PTPRD: variants seen among roughly 807,000 people sequenced by gnomAD.
The protein encoded by PTPRD is protein tyrosine phosphatase receptor type D, also known as receptor-type tyrosine-protein phosphatase delta.
Under a neutral mutation model 214.5 loss-of-function variants are expected in PTPRD, and 34 were observed. The ratio of observed to expected loss-of-function variants is 0.16; its 90% confidence interval spans 0.12 to 0.21. PTPRD has a LOEUF of 0.21. Ranked by LOEUF, PTPRD falls within the 10% of genes least tolerant of loss-of-function variation. PTPRD has a pLI of 1.00. For synonymous variants in PTPRD, 1,128 were observed against 845.7 expected, an observed-to-expected ratio of 1.33 and a Z score of -5.79; for missense variants, 2,545 against 2,398.7, an observed-to-expected ratio of 1.06 and a Z score of -1.27.
At chr9:9,884,169 C>T (rs537502586) in intron 5 of PTPRD, among the ~76,000 whole-genome samples, 4 of 152,070 alleles carry the variant, frequency 2.6e-5, no homozygotes, top group African/African-American at 4.8e-5. Context: ...CCCTCTAAGC[C>T]TCCCCATCAT....
intron 12 of PTPRD, among the ~76,000 whole-genome samples, chr9:8,719,000 C>T (rs2098464894): frequency 6.6e-6 from 1 of 152,148 alleles, no homozygotes; most frequent in Admixed American, 6.5e-5. Flanking sequence ...TTCACCATGA[C>T]TTTTGTGCTT....
chr9:8,673,720 T>C (rs2097336786), intron 12 of PTPRD, among the ~76,000 whole-genome samples: 1 of 152,242 alleles, frequency 6.6e-6, no homozygotes, highest in Non-Finnish European at 1.5e-5. Flanking sequence ...CAGTATTTTT[T>C]AATTTAGCTG....
At chr9:10,266,094 C>T (rs1026048455) in intron 3 of PTPRD, among the ~76,000 whole-genome samples, 2 of 152,092 alleles carry the variant, frequency 1.3e-5, no homozygotes, top group Non-Finnish European at 2.9e-5. Flanking sequence ...GAGACCCACA[C>T]CATCACACAT....
chr9:8,753,800 A>G (rs974317069), intron 11 of PTPRD, among the ~76,000 whole-genome samples: 1 of 152,238 alleles, frequency 6.6e-6, no homozygotes, highest in Non-Finnish European at 1.5e-5. Flanking sequence ...TCAATAAATT[A>G]AAGAAGACTT....
intron 2 of PTPRD, among the ~76,000 whole-genome samples, chr9:10,609,382 C>T (rs979937996): frequency 6.6e-6 from 1 of 152,028 alleles, no homozygotes; most frequent in African/African-American, 2.4e-5. Context: ...ATTCTGTTCA[C>T]TCACCACCCT....
At chr9:9,863,196 T>G (rs1323796) in intron 5 of PTPRD, among the ~76,000 whole-genome samples, 150,856 of 152,244 alleles carry the variant, frequency 0.99, 74,755 homozygotes, top group Middle Eastern at 1. Flanking sequence ...GAGAGAGAAG[T>G]CCACTGCAAA....
intron 11 of PTPRD, among the ~76,000 whole-genome samples, chr9:8,806,845 T>C (rs1279147434): frequency 6.6e-6 from 1 of 152,228 alleles, no homozygotes; most frequent in Non-Finnish European, 1.5e-5. Flanking sequence ...ACTTGGCTAC[T>C]GTACTAAGAT....
chr9:8,750,737 G>A (rs1031929053), intron 11 of PTPRD, among the ~76,000 whole-genome samples: 2 of 152,140 alleles, frequency 1.3e-5, no homozygotes, highest in Admixed American at 1.3e-4. Flanking sequence ...TCCCAGCAGA[G>A]AATGATACCA....
intron 32 of PTPRD, among the ~76,000 whole-genome samples, chr9:8,461,663 A>G (rs1458162328): frequency 1.3e-5 from 2 of 149,580 alleles, no homozygotes; most frequent in Admixed American, 6.7e-5. Context: ...TTACCTTTCT[A>G]GACAATTTTT....
intron 3 of PTPRD, among the ~76,000 whole-genome samples, chr9:10,212,630 T>C (rs2099522559): frequency 6.6e-6 from 1 of 152,124 alleles, no homozygotes; most frequent in African/African-American, 2.4e-5. Context: ...TAAAAATAAG[T>C]ATTTGTCATC....
intron 11 of PTPRD, among the ~76,000 whole-genome samples, chr9:8,840,115 G>A (rs2097530113): frequency 6.6e-6 from 1 of 152,110 alleles, no homozygotes; most frequent in Non-Finnish European, 1.5e-5. Flanking sequence ...GTATAGAACG[G>A]TAACATCAGT....
Position 9,088,239 on chromosome 9 carries a change from G to A in PTPRD, c.-142-69504C>T, listed in dbSNP as rs189194526. On this transcript the variant is annotated intron_variant, in intron 10 of 45. Transcript: ENST00000381196. ...TTCTTCCCTTGAACCTGCCAGAAAAGAAAGTTCTTCTAAATTTTAAAAGCT... is the reference window on the plus strand; with the variant it reads ...TTCTTCCCTTGAACCTGCCAGAAAAAAAAGTTCTTCTAAATTTTAAAAGCT... 4.8e-3 allele frequency among the ~76,000 whole-genome samples: 720 copies of A among 150,690 alleles called. 6 individuals are homozygous for A. The highest frequency in any genetic ancestry group is 0.017 in the African/African-American group (686 of 41,172).
chr9:8,818,663 T>A (rs1034415494), intron 11 of PTPRD, among the ~76,000 whole-genome samples: 4 of 152,224 alleles, frequency 2.6e-5, no homozygotes, highest in Admixed American at 6.5e-5. Flanking sequence ...TTATATTCAT[T>A]TGCCTAAGAA....
At chr9:8,497,338 C>T in intron 25 of PTPRD, 70 bp from the exon 26 acceptor site, 3 of 1,284,406 alleles carry the variant, frequency 2.3e-6, no homozygotes, top group South Asian at 2.9e-5. Context: ...CTTATACAGG[C>T]AGTGTTGCCC....
chr9:8,639,076 C>T lies in PTPRD; in HGVS notation c.65-2232G>A, dbSNP rs184459460. ...CAGAATGGTCTCGATCTCGTCACCT[C>T]GTGATCCACCTGCCTTGGCCTCCCA... On this transcript the variant is annotated intron_variant, in intron 12 of 45. Transcript: ENST00000381196. Among the ~76,000 whole-genome samples, 15 of 152,190 alleles carry T rather than the reference C, an allele frequency of 9.9e-5. No individual in the cohort carries two copies. In the East Asian group the frequency reaches 2.3e-3, roughly 24 times the overall value.
At chr9:8,896,555 G>A (rs2098613652) in intron 11 of PTPRD, among the ~76,000 whole-genome samples, 1 of 152,148 alleles carries the variant, frequency 6.6e-6, no homozygotes, top group African/African-American at 2.4e-5. Flanking sequence ...TTTGGAACTA[G>A]TTATTGCCAC....
chr9:8,362,968 C>T (rs1381046827), intron 39 of PTPRD, among the ~76,000 whole-genome samples: 1 of 152,116 alleles, frequency 6.6e-6, no homozygotes, highest in East Asian at 1.9e-4. Flanking sequence ...TTTAAAGATC[C>T]AGGAGCTTGA....
At chr9:8,483,017 G>A (rs2096920102) in intron 30 of PTPRD, among the ~76,000 whole-genome samples, 2 of 152,158 alleles carry the variant, frequency 1.3e-5, no homozygotes, top group South Asian at 4.1e-4. Flanking sequence ...CTCACTCTAT[G>A]GTAAGGTCTT....
chr9:9,651,709 T>C (rs1344997870), intron 7 of PTPRD, among the ~76,000 whole-genome samples: 1 of 152,108 alleles, frequency 6.6e-6, no homozygotes, highest in African/African-American at 2.4e-5. Context: ...AACATATGTG[T>C]ACTTGTGTCT....
Sources: allele counts gnomAD v4.1 joint callset (sites outside exome capture counted in the v4.1 genomes callset), GRCh38; gene constraint gnomAD v4.1.1; transcripts MANE v1.5; gene names NCBI Gene and HGNC (gene_info 2026-07-23, HGNC 2026-07-21).